ARHGAP32: variants seen among roughly 807,000 people sequenced by gnomAD.
The protein encoded by ARHGAP32 is Rho GTPase activating protein 32.
Under a neutral mutation model 186.5 loss-of-function variants are expected in ARHGAP32, and 51 were observed. That is an observed-to-expected ratio of 0.27 (90% CI 0.22 to 0.35). The LOEUF (loss-of-function observed/expected upper bound fraction) is 0.35. Among genes scored for constraint, ARHGAP32 ranks in the 10% least tolerant of loss-of-function variants. The probability of loss-of-function intolerance (pLI) is 1.00; values close to 1 mark genes in which losing one functional copy is unlikely to be tolerated. For missense variants in ARHGAP32, 2,186 were observed against 2,623.5 expected (o/e 0.83, Z 3.64); for synonymous variants, 950 against 964.3 (o/e 0.99, Z 0.27).
At chr11:129,119,451 T>C (rs997093294) in intron 5 of ARHGAP32, among the ~76,000 whole-genome samples, 1 of 152,052 alleles carries the variant, frequency 6.6e-6, no homozygotes. Flanking sequence ...AAAAACAAAA[T>C]AGTAAAACAG....
chr11:129,192,294 G>A lies in ARHGAP32; in HGVS notation c.-96C>T. 1.2e-6 allele frequency: 1 copy of A among 805,702 alleles called. No homozygotes were observed. Among genetic ancestry groups the A allele is most frequent in the Non-Finnish European group, 2.1e-6 (1 of 477,580 alleles). The allele number at this position is 805,702 out of a possible 1,614,324, so 49.9% of individuals were successfully genotyped here. ...CAGCTCTACTCATGTATACTCAGAT[G>A]TGTGTCTGGTGCCCTAGTGACAGGT... On this transcript the variant is annotated 5_prime_UTR_variant, in exon 1 of 23. Transcript: ENST00000682385.
At chr11:129,268,993 G>A (rs1382408940) in intron 1 of ARHGAP32, among the ~76,000 whole-genome samples, 5 of 152,220 alleles carry the variant, frequency 3.3e-5, no homozygotes, top group East Asian at 3.9e-4. Context: ...ACACATGGCC[G>A]GGCACAGTGG....
chr11:129,205,898 T>A (rs1944509015), intron 1 of ARHGAP32, among the ~76,000 whole-genome samples: 2 of 152,098 alleles, frequency 1.3e-5, no homozygotes, highest in South Asian at 4.1e-4. Flanking sequence ...ATATTTTAAC[T>A]TTTTTATTAT....
chr11:129,177,542 A>C (rs543338900), intron 1 of ARHGAP32, among the ~76,000 whole-genome samples: 2 of 152,324 alleles, frequency 1.3e-5, no homozygotes, highest in African/African-American at 4.8e-5. Flanking sequence ...CCCTTAATAA[A>C]ATACTGGCAA....
rs777713723 is a variant in ARHGAP32 at position 129,245,601 on chromosome 11, A to AAAAT, written c.-5+33541_-5+33544dup. On this transcript the variant is annotated intron_variant, in intron 1 of 6. Transcript: ENST00000525234. ...GTACCCTAAAACTTAAAGTATAATA[A>AAAAT]AAATAAATAAATAAATAAATAAATA... 2.2e-3 allele frequency among the ~76,000 whole-genome samples: 328 copies of AAAAT among 150,164 alleles called. 1 individual carries two copies. Among genetic ancestry groups the AAAAT allele is most frequent in the Middle Eastern group, 7.0e-3 (2 of 286 alleles).
intron 6 of ARHGAP32, among the ~76,000 whole-genome samples, chr11:129,086,525 A>C (rs187165211): frequency 6.6e-6 from 1 of 152,338 alleles, no homozygotes; most frequent in African/African-American, 2.4e-5. Flanking sequence ...AAATATTTGC[A>C]AAAGACACAC....
intron 1 of ARHGAP32, among the ~76,000 whole-genome samples, chr11:129,180,611 T>C (rs2135530863): frequency 6.6e-6 from 1 of 152,264 alleles, no homozygotes; most frequent in East Asian, 1.9e-4. Flanking sequence ...AAATTTAGTA[T>C]CCATTTATTT....
rs560192852 is a variant in ARHGAP32 at position 128,986,381 on chromosome 11, A to G, written c.1443+143T>C. 4 of 858,396 alleles carry G rather than the reference A, an allele frequency of 4.7e-6. No individual in the cohort carries two copies. In the East Asian group the frequency reaches 1.1e-4, roughly 23 times the overall value. The allele number at this position is 858,396 out of a possible 1,614,324, so 53.2% of individuals were successfully genotyped here. The stretch of plus-strand genomic sequence containing the variant: ...GTGAAAACAGCAAAGACCACCGACT[A>G]GCTGGCAATATTTGTTTTTTTAAGG... On this transcript the variant is annotated intron_variant, in intron 14 of 22. Transcript: ENST00000682385.
In ARHGAP32 at chr11:129,066,760, G is replaced by A. The variant is rs778890159; in HGVS notation, c.640C>T (p.Arg214Cys). The change falls in exon 7 of 23, where the codon CGT becomes TGT. Residue 214 changes from arginine (R) to cysteine (C), a missense_variant. Transcript: ENST00000682385. ...GGACTGTCCTTCAGGGTGTCAGAAC[G>A]GGGAAGTTCTGAGAGCTGGGAAAAT... ...RRFSQLSELP[R>C]SDTLKDSPES... 1.3e-5 allele frequency: 21 copies of A among 1,612,172 alleles called. No homozygotes were observed. Among genetic ancestry groups the A allele is most frequent in the South Asian group, 3.3e-5 (3 of 91,012 alleles).
chr11:129,120,104 A>C (rs183525535), intron 5 of ARHGAP32, among the ~76,000 whole-genome samples: 46 of 152,210 alleles, frequency 3.0e-4, no homozygotes, highest in African/African-American at 9.6e-4. Flanking sequence ...AATCCTCCCC[A>C]AAAGACAATG....
chr11:129,087,658 T>C (rs994391999), intron 6 of ARHGAP32, among the ~76,000 whole-genome samples: 19 of 152,162 alleles, frequency 1.2e-4, no homozygotes, highest in African/African-American at 2.4e-5. Context: ...ACTATACTGG[T>C]GATACATGTC....
chr11:128,993,308 A>G (rs1946112846), intron 12 of ARHGAP32: 1 of 152,154 alleles, frequency 6.6e-6, no homozygotes. Context: ...TGTATTGTTC[A>G]AATTTTAGTA....
intron 15 of ARHGAP32, among the ~76,000 whole-genome samples, chr11:128,985,031 T>C (rs1300171379): frequency 6.6e-6 from 1 of 151,842 alleles, no homozygotes; most frequent in Non-Finnish European, 1.5e-5. Flanking sequence ...ACAATTAGAA[T>C]TTTTTTTTAA....
At chr11:128,975,460 T>G (rs1295226630) in intron 20 of ARHGAP32, among the ~76,000 whole-genome samples, 3 of 152,184 alleles carry the variant, frequency 2.0e-5, no homozygotes, top group African/African-American at 4.8e-5. Flanking sequence ...CTTACAATAT[T>G]CAAATTTCTA....
chr11:129,193,254 T>C, upstream of ARHGAP32, among the ~76,000 whole-genome samples: 1 of 126,514 alleles, frequency 7.9e-6, no homozygotes, highest in South Asian at 2.5e-4. Flanking sequence ...GATGCATCAC[T>C]TGAGCTCAAG....
intron 11 of ARHGAP32, among the ~76,000 whole-genome samples, chr11:129,027,612 CCCT>C (rs1444743980): frequency 4.6e-5 from 7 of 152,136 alleles, no homozygotes; most frequent in African/African-American, 1.2e-4. Flanking sequence ...TGCAGATCTC[CCCT>C]CCTCATCTCC....
chr11:129,150,122 A>C (rs73019142), intron 2 of ARHGAP32, among the ~76,000 whole-genome samples: 10,108 of 150,614 alleles, frequency 0.067, 436 homozygotes, highest in Middle Eastern at 0.082. Flanking sequence ...GACAAAAAAA[A>C]AAAAAAAGAA....
chr11:129,246,969 T>C (rs968681386), intron 1 of ARHGAP32, among the ~76,000 whole-genome samples: 3 of 146,034 alleles, frequency 2.1e-5, no homozygotes, highest in African/African-American at 7.7e-5. Context: ...TTCACATTCA[T>C]TTCAGCTTAA....
At chr11:129,190,891 T>C (rs1415458249) in intron 1 of ARHGAP32, among the ~76,000 whole-genome samples, 2 of 152,208 alleles carry the variant, frequency 1.3e-5, no homozygotes, top group Admixed American at 6.5e-5. Context: ...GATAAAATTA[T>C]GGGAAAATGA....
Sources: allele counts gnomAD v4.1 joint callset (sites outside exome capture counted in the v4.1 genomes callset), GRCh38; gene constraint gnomAD v4.1.1; transcripts MANE v1.5; gene names NCBI Gene and HGNC (gene_info 2026-07-23, HGNC 2026-07-21).